Variants in MAMDC2 observed in about 807,000 individuals in gnomAD.
The protein encoded by MAMDC2 is MAM domain-containing protein 2.
In MAMDC2, 57 loss-of-function variants were observed where a neutral mutation model predicts 89.8. That is an observed-to-expected ratio of 0.63 (90% confidence interval 0.51 to 0.79). MAMDC2 has a LOEUF of 0.79. MAMDC2 is among the 30% of genes least tolerant of loss of function. The probability of loss-of-function intolerance (pLI) is 0.00; values close to 1 mark genes in which losing one functional copy is unlikely to be tolerated. For missense variants in MAMDC2, 800 were observed against 820.6 expected (o/e 0.97, Z 0.31); for synonymous variants, 313 against 293.4 (o/e 1.07, Z -0.68).
At chr9:70,217,580 C>T in intron 11 of MAMDC2, 1 of 1,606,244 alleles carries the variant, frequency 6.2e-7, no homozygotes, top group Non-Finnish European at 8.5e-7. Flanking sequence ...GCAATGGCTA[C>T]TGCTAAGGCA....
intron 2 of MAMDC2, among the ~76,000 whole-genome samples, chr9:70,077,396 G>A (rs1364152353): frequency 6.6e-6 from 1 of 152,182 alleles, no homozygotes; most frequent in Non-Finnish European, 1.5e-5. Flanking sequence ...AGAGCTTTCT[G>A]TGATAATAGA....
At chr9:70,138,764 G>A (rs1323692491) in intron 7 of MAMDC2, among the ~76,000 whole-genome samples, 2 of 152,092 alleles carry the variant, frequency 1.3e-5, no homozygotes, top group Non-Finnish European at 2.9e-5. Flanking sequence ...ATAGAACAGG[G>A]TAAATAATAC....
At position 70,200,797 on chromosome 9, in the gene MAMDC2, G is replaced by T. The variant is rs1378048294; in HGVS notation, c.1652-17540G>T. On this transcript the variant is annotated intron_variant, in intron 11 of 13. Transcript: ENST00000377182. ...CTTGTAAGTTGGATTCCTAGGTATT[G>T]TATTCTCTTTGAAGCAATTGTGAAT... 8.2e-3 allele frequency among the ~76,000 whole-genome samples: 1,233 copies of T among 149,818 alleles called. 13 individuals carry two copies. Among genetic ancestry groups the T allele is most frequent in the African/African-American group, 0.029 (1,169 of 39,672 alleles).
chr9:70,117,295 T>C (rs1018674813), intron 5 of MAMDC2, among the ~76,000 whole-genome samples: 2 of 152,180 alleles, frequency 1.3e-5, no homozygotes, highest in African/African-American at 2.4e-5. Context: ...TATGCAGCTA[T>C]AAAGAAGGAT....
At chr9:70,175,066 A>G (rs2309634) in intron 11 of MAMDC2, among the ~76,000 whole-genome samples, 130,364 of 152,154 alleles carry the variant, frequency 0.86, 56,088 homozygotes, top group East Asian at 0.96. Flanking sequence ...GAAAGTCACT[A>G]GAGAGTGTTG....
intron 5 of MAMDC2, 50 bp from the exon 6 acceptor site, chr9:70,126,109 C>A: frequency 1.3e-6 from 2 of 1,531,670 alleles, no homozygotes; most frequent in Non-Finnish European, 8.9e-7. Flanking sequence ...ACCTCTTCCC[C>A]TCCCCCACCC....
intron 7 of MAMDC2, among the ~76,000 whole-genome samples, chr9:70,133,359 C>T (rs1433097228): frequency 6.6e-6 from 1 of 152,184 alleles, no homozygotes; most frequent in Non-Finnish European, 1.5e-5. Flanking sequence ...TCCTACTACA[C>T]AGGTGGTCTG....
rs1366840586 is a variant in MAMDC2 at position 70,108,344 on chromosome 9, G to C, written c.282G>C (p.Leu94=). 2 of 1,614,098 alleles carry C rather than the reference G, an allele frequency of 1.2e-6. No homozygotes were observed. Among genetic ancestry groups the C allele is most frequent in the Admixed American group, 1.7e-5 (1 of 60,028 alleles). The change falls in exon 3 of 14, where the codon CTG becomes CTC. Residue 94 remains leucine (L), a synonymous_variant. Transcript: ENST00000377182. ...VYQITTSSES[L]SDPSQLNLYM... ...AGATAACCACATCTTCGGAGTCTCT[G>C]TCAGATCCCAGCCAGCTGAACCTCT...
chr9:70,071,419 G>A (rs1827405757), intron 2 of MAMDC2, among the ~76,000 whole-genome samples: 1 of 152,050 alleles, frequency 6.6e-6, no homozygotes, highest in Non-Finnish European at 1.5e-5. Flanking sequence ...CTAGGGTTTT[G>A]GTGAAAATAT....
At chr9:70,114,911 A>G (rs935639536) in intron 5 of MAMDC2, among the ~76,000 whole-genome samples, 3 of 152,204 alleles carry the variant, frequency 2.0e-5, no homozygotes, top group Non-Finnish European at 4.4e-5. Flanking sequence ...CCTAGAAGAC[A>G]TGATAAAAGA....
intron 2 of MAMDC2, chr9:70,083,805 T>C (rs371412111): frequency 6.6e-6 from 1 of 151,920 alleles, no homozygotes; most frequent in East Asian, 1.9e-4. Flanking sequence ...AGTTTATACA[T>C]ATTAATGTGG....
chr9:70,123,465 G>A (rs1374807107), intron 5 of MAMDC2, among the ~76,000 whole-genome samples: 1 of 152,102 alleles, frequency 6.6e-6, no homozygotes, highest in Non-Finnish European at 1.5e-5. Flanking sequence ...CTGCCCAGAG[G>A]TGGCAAAGTG....
At chr9:70,105,770 A>G (rs1222924606) in intron 2 of MAMDC2, 1 of 152,160 alleles carries the variant, frequency 6.6e-6, no homozygotes, top group East Asian at 1.9e-4. Context: ...GTAAAATCTG[A>G]TCAGGTGAGA....
rs374162515 is a variant in MAMDC2 at position 70,131,622 on chromosome 9, C to T, written c.994+10C>T. ...TGCCAGAATCAGACAGGTGAGCATT[C>T]TCTATTTGTCATTGCATTTTGGGAT... is the stretch of plus-strand genomic sequence containing the variant. On this transcript the variant is annotated intron_variant, in intron 7 of 13. Transcript: ENST00000377182. 2 of 1,584,840 alleles carry T rather than the reference C, an allele frequency of 1.3e-6. No individual in the cohort carries two copies. The highest frequency in any genetic ancestry group is 1.7e-6 in the Non-Finnish European group (2 of 1,161,150).
intron 11 of MAMDC2, among the ~76,000 whole-genome samples, chr9:70,210,859 T>C (rs576606768): frequency 4.9e-4 from 75 of 152,320 alleles, no homozygotes; most frequent in African/African-American, 1.7e-3. Flanking sequence ...TGTTTGTCTA[T>C]AAAGGATTTT....
chr9:70,112,897 G>C, intron 4 of MAMDC2, 98 bp from the exon 5 acceptor site: 2 of 1,488,558 alleles, frequency 1.3e-6, no homozygotes, highest in South Asian at 2.4e-5. Context: ...CAAAGGAAGA[G>C]AGAAACTTCT....
In MAMDC2 at chr9:70,058,184, C is replaced by T. The variant is rs112866074; in HGVS notation, c.148+13487C>T. The stretch of plus-strand genomic sequence containing the variant: ...TTATCACCAAACACTGTGCTGAGTG[C>T]AGGACATGCATCATCTTATTTAATT... On this transcript the variant is annotated intron_variant, in intron 2 of 13. Transcript: ENST00000377182. Among the ~76,000 whole-genome samples the T allele has an allele frequency of 3.8e-3, 577 of 152,280 alleles. 4 individuals carry two copies. Among genetic ancestry groups the T allele is most frequent in the African/African-American group, 0.013 (553 of 41,554 alleles).
rs7042942 is a variant in MAMDC2 at position 70,163,410 on chromosome 9, T to C, written c.1405-5292T>C. Among the ~76,000 whole-genome samples the C allele has an allele frequency of 4.0e-3, 615 of 151,900 alleles. 3 individuals are homozygous for C. The highest frequency in any genetic ancestry group is 0.014 in the African/African-American group (587 of 41,458). On this transcript the variant is annotated intron_variant, in intron 9 of 13. Transcript: ENST00000377182. ...TGCCCAGCTAATTTTTGTATTTATG[T>C]AGAGACAAGGTTTCGCAATGTTGGC...
Position 70,066,259 on chromosome 9 carries a change from C to T in MAMDC2, c.148+21562C>T, listed in dbSNP as rs539011919. 2.0e-5 allele frequency among the ~76,000 whole-genome samples: 3 copies of T among 152,166 alleles called. No individual in the cohort carries two copies. The South Asian group carries it at 6.2e-4, about 32-fold the overall frequency. On this transcript the variant is annotated intron_variant, in intron 2 of 13. Coordinates refer to ENST00000377182, the MANE Select transcript of MAMDC2 (RefSeq NM_153267.5). ...GCAGAGGGGAAAGCAAGGGCAAAATCCCTGAGGAAAGGGGGTGCTTGGTGA... is the reference window on the plus strand; with the variant it reads ...GCAGAGGGGAAAGCAAGGGCAAAATTCCTGAGGAAAGGGGGTGCTTGGTGA...
Sources: gnomAD v4.1 joint callset for allele counts (sites outside exome capture counted in the v4.1 genomes callset) on GRCh38, gnomAD v4.1.1 for gene constraint, MANE v1.5 for transcripts, NCBI Gene and HGNC (gene_info 2026-07-23, HGNC 2026-07-21) for gene names.